SESTD1: variants seen among roughly 807,000 people sequenced by gnomAD.
The protein encoded by SESTD1 is SEC14 domain and spectrin repeat-containing protein 1.
Under a neutral mutation model 101.7 loss-of-function variants are expected in SESTD1, and 43 were observed. The ratio of observed to expected loss-of-function variants is 0.42; its 90% CI spans 0.33 to 0.55. The LOEUF (loss-of-function observed/expected upper bound fraction) is 0.55, where lower values mean the gene tolerates loss of function less well. Ranked by LOEUF, SESTD1 falls within the 20% of genes least tolerant of loss-of-function variation. SESTD1 has a pLI of 0.07. For missense variants in SESTD1, 647 were observed against 815.1 expected (o/e 0.79, Z 2.51); for synonymous variants, 283 against 286.8 (o/e 0.99, Z 0.13).
At position 179,124,388 on chromosome 2, in the gene SESTD1, A is replaced by G; in HGVS notation, c.1143T>C (p.Leu381=). 1.2e-6 allele frequency: 2 copies of G among 1,614,044 alleles called. No homozygotes were observed. The highest frequency in any genetic ancestry group is 8.5e-7 in the Non-Finnish European group (1 of 1,179,954). The change falls in exon 11 of 18, where the codon CTT becomes CTC. Residue 381 remains leucine, a synonymous_variant. Transcript: ENST00000428443. ...EFRQNLLQAA[L]EFHGVAQDLS... ...CATCTTGGGCAACACCATGAAATTC[A>G]AGAGCTGCTTGTAAGAGATTTTGCC...
At chr2:179,220,139 A>G (rs1357151766) in intron 1 of SESTD1, among the ~76,000 whole-genome samples, 1 of 152,136 alleles carries the variant, frequency 6.6e-6, no homozygotes, top group East Asian at 1.9e-4. Flanking sequence ...CCCACCACTT[A>G]AAAACCCTTT....
intron 2 of SESTD1, among the ~76,000 whole-genome samples, chr2:179,185,488 A>G (rs1455944104): frequency 7.1e-6 from 1 of 141,590 alleles, no homozygotes; most frequent in East Asian, 2.1e-4. Flanking sequence ...TATCATATAT[A>G]CAATATATAT....
At position 179,123,785 on chromosome 2, in the gene SESTD1, A is replaced by G. The variant is rs754680791; in HGVS notation, c.1212T>C (p.Asp404=). ...LDGLLGMLCV[D]VAPADGASIQ... ...TCGATGCTCCATCAGCTGGTGCTAC[A>G]TCTACGCACAACATCCCTAATAAGC... The change falls in exon 12 of 18, where the codon GAT becomes GAC. Residue 404 remains aspartate (D), a synonymous_variant. Coordinates refer to ENST00000428443, the MANE Select transcript of SESTD1 (RefSeq NM_178123.5). 3.1e-6 allele frequency: 5 copies of G among 1,613,974 alleles called. No homozygotes were observed. In the East Asian group the frequency reaches 1.1e-4, roughly 36 times the overall value.
chr2:179,151,428 C>A (rs2045527969), intron 5 of SESTD1, 37 bp from the exon 6 acceptor site: 1 of 1,484,654 alleles, frequency 6.7e-7, no homozygotes. Context: ...CATTTAGTAA[C>A]CCACTATTAA....
intron 3 of SESTD1, among the ~76,000 whole-genome samples, chr2:179,181,125 T>C (rs1211428072): frequency 2.0e-5 from 3 of 152,148 alleles, no homozygotes; most frequent in Non-Finnish European, 4.4e-5. Flanking sequence ...CATATGCACA[T>C]TTACATGAGA....
intron 2 of SESTD1, among the ~76,000 whole-genome samples, chr2:179,190,475 C>T (rs1424137782): frequency 6.6e-6 from 1 of 151,782 alleles, no homozygotes; most frequent in South Asian, 2.1e-4. Flanking sequence ...TGAGTATCGG[C>T]CTCAGAAAAA....
At chr2:179,161,619 G>A (rs375988206) in intron 5 of SESTD1, among the ~76,000 whole-genome samples, 13 of 148,440 alleles carry the variant, frequency 8.8e-5, no homozygotes, top group South Asian at 2.1e-4. Flanking sequence ...CCGAGATCAC[G>A]CCACTGCATT....
chr2:179,151,445 C>A (rs1055966004), intron 5 of SESTD1, 54 bp from the exon 6 acceptor site: 53 of 1,281,490 alleles, frequency 4.1e-5, no homozygotes, highest in Non-Finnish European at 5.5e-5. Context: ...TTAAAATCCA[C>A]GAAAGTAACC....
chr2:179,147,436 A>G (rs1417911598), intron 7 of SESTD1, among the ~76,000 whole-genome samples: 1 of 150,490 alleles, frequency 6.6e-6, no homozygotes, highest in African/African-American at 2.5e-5. Context: ...ATCTCGACTC[A>G]CTACAACCTC....
In SESTD1 at chr2:179,194,171, C is replaced by G. The variant is rs540506693; in HGVS notation, c.-25-2305G>C. 3.9e-5 allele frequency among the ~76,000 whole-genome samples: 6 copies of G among 152,312 alleles called. No homozygotes were observed. The East Asian group carries it at 7.7e-4, about 20-fold the overall frequency. On this transcript the variant is annotated intron_variant, in intron 1 of 17. Transcript: ENST00000428443. Reference sequence around the variant, plus strand: ...ACCTTCACATTCAATTACACCTACTCCATCTGCTCCCTCTCTCTCACCTTC... The same window carrying G: ...ACCTTCACATTCAATTACACCTACTGCATCTGCTCCCTCTCTCTCACCTTC...
chr2:179,137,729 A>C (rs536932264), intron 9 of SESTD1, among the ~76,000 whole-genome samples: 1 of 152,338 alleles, frequency 6.6e-6, no homozygotes, highest in African/African-American at 2.4e-5. Flanking sequence ...CATGGTTATT[A>C]CTTATATAAT....
chr2:179,124,409 T>C lies in SESTD1; in HGVS notation c.1122A>G (p.Gln374=), dbSNP rs746321121. 3.7e-6 allele frequency: 6 copies of C among 1,614,000 alleles called. No individual in the cohort carries two copies. The highest frequency in any genetic ancestry group is 4.5e-5 in the East Asian group (2 of 44,882). ...YRQASQLEFR[Q]NLLQAALEFH... is the part of the protein sequence containing the mutation. ...ATTCAAGAGCTGCTTGTAAGAGATT[T>C]TGCCTAAATTCCAGCTGACTGGCCT... Residue 374 remains glutamine, a synonymous_variant, in exon 11 of 18, where the codon CAA becomes CAG. Coordinates refer to ENST00000428443, the MANE Select transcript of SESTD1 (RefSeq NM_178123.5).
intron 2 of SESTD1, among the ~76,000 whole-genome samples, chr2:179,185,590 T>A (rs1438660290): frequency 4.6e-5 from 6 of 130,482 alleles, no homozygotes; most frequent in African/African-American, 1.5e-4. Context: ...TATTATATAT[T>A]GTATATTATA....
chr2:179,133,441 T>C (rs147624918), intron 9 of SESTD1, among the ~76,000 whole-genome samples: 1 of 152,082 alleles, frequency 6.6e-6, no homozygotes, highest in Non-Finnish European at 1.5e-5. Flanking sequence ...TAAGCAAAGA[T>C]CAAGTTCTCA....
chr2:179,175,301 TC>T (rs1283900769), intron 4 of SESTD1, among the ~76,000 whole-genome samples: 1 of 152,148 alleles, frequency 6.6e-6, no homozygotes, highest in Non-Finnish European at 1.5e-5. Flanking sequence ...ATCCCTTGAA[TC>T]CCTTTCTCCC....
chr2:179,136,900 T>C (rs2045158317), intron 9 of SESTD1, among the ~76,000 whole-genome samples: 1 of 152,100 alleles, frequency 6.6e-6, no homozygotes. Flanking sequence ...TATATATGTA[T>C]ATATATATGG....
chr2:179,208,631 T>A (rs777802874), intron 1 of SESTD1, among the ~76,000 whole-genome samples: 3 of 135,046 alleles, frequency 2.2e-5, no homozygotes, highest in Non-Finnish European at 4.8e-5. Flanking sequence ...CTAAGCTTCA[T>A]AAATGAAGGA....
At chr2:179,129,680 A>G (rs2044965433) in intron 10 of SESTD1, among the ~76,000 whole-genome samples, 1 of 152,240 alleles carries the variant, frequency 6.6e-6, no homozygotes. Flanking sequence ...TACTTTCACA[A>G]GACTTGAACA....
intron 3 of SESTD1, among the ~76,000 whole-genome samples, chr2:179,181,752 A>G (rs2046116161): frequency 6.6e-6 from 1 of 152,142 alleles, no homozygotes; most frequent in Non-Finnish European, 1.5e-5. Context: ...TCCATCTATG[A>G]ATATTTTTTT....
Sources: allele counts gnomAD v4.1 joint callset (sites outside exome capture counted in the v4.1 genomes callset), GRCh38; gene constraint gnomAD v4.1.1; transcripts MANE v1.5; gene names NCBI Gene and HGNC (gene_info 2026-07-23, HGNC 2026-07-21).